Variants in CHUK observed in about 807,000 individuals in gnomAD.
The protein encoded by CHUK is inhibitor of nuclear factor kappa-B kinase subunit alpha.
A neutral mutation model predicts 104.8 loss-of-function variants in CHUK; 35 were observed. The observed-to-expected ratio is 0.33, with a 90% CI of 0.26 to 0.44. The LOEUF (loss-of-function observed/expected upper bound fraction) is 0.44. Among genes scored for constraint, CHUK ranks in the 20% least tolerant of loss-of-function variants. The probability of loss-of-function intolerance (pLI) is 1.00; values close to 1 mark genes in which losing one functional copy is unlikely to be tolerated. For synonymous variants in CHUK, 276 were observed against 291.9 expected, an observed-to-expected ratio of 0.95 and a Z score of 0.56; for missense variants, 663 against 902.7, an observed-to-expected ratio of 0.73 and a Z score of 3.40.
intron 5 of CHUK, among the ~76,000 whole-genome samples, chr10:100,219,696 A>G (rs1156442539): frequency 6.6e-6 from 1 of 152,202 alleles, no homozygotes; most frequent in Middle Eastern, 3.2e-3. Flanking sequence ...TTATTTTACT[A>G]TATTCAAAAT....
chr10:100,193,719 G>A (rs1845258341), intron 18 of CHUK: 2 of 593,802 alleles, frequency 3.4e-6, no homozygotes, highest in Non-Finnish European at 5.9e-6. Context: ...ATCTAGGCAG[G>A]TACATCTATC....
intron 9 of CHUK, among the ~76,000 whole-genome samples, chr10:100,213,699 C>T (rs12765325): frequency 6.6e-6 from 1 of 151,730 alleles, no homozygotes; most frequent in Admixed American, 6.6e-5. Context: ...TTTTTGTATT[C>T]TTAGTAGAGA....
In CHUK at chr10:100,204,672, GA is replaced by G. The variant is rs751629574; in HGVS notation, c.1356-16del. The G allele has an allele frequency of 3.9e-6, 6 of 1,556,352 alleles. No homozygotes were observed. Among genetic ancestry groups the G allele is most frequent in the African/African-American group, 1.4e-5 (1 of 72,726 alleles). ...GAAGACTTAACCTAAACCACAGCAA[GA>G]AAAAAAAGAAAAAGAAAAAAGATAT... On this transcript the variant is annotated splice_polypyrimidine_tract_variant and intron_variant, in intron 12 of 20. Coordinates refer to ENST00000370397, the MANE Select transcript of CHUK (RefSeq NM_001278.5).
chr10:100,216,964 C>T (rs558532625), intron 9 of CHUK, among the ~76,000 whole-genome samples: 9 of 152,046 alleles, frequency 5.9e-5, no homozygotes, highest in East Asian at 5.8e-4. Context: ...GAATGGAAGA[C>T]GAGAAAGAGA....
intron 19 of CHUK, chr10:100,192,875 A>G (rs919141406): frequency 1.2e-5 from 4 of 344,740 alleles, no homozygotes; most frequent in Non-Finnish European, 1.7e-5. Flanking sequence ...GTAATCAAGG[A>G]TCCCCAAAAT....
chr10:100,203,740 T>G (rs1367864454), intron 13 of CHUK, among the ~76,000 whole-genome samples: 1 of 152,154 alleles, frequency 6.6e-6, no homozygotes, highest in Non-Finnish European at 1.5e-5. Context: ...TTGGAGACTG[T>G]GTACACTAAA....
intron 9 of CHUK, among the ~76,000 whole-genome samples, chr10:100,217,297 A>G (rs1402164786): frequency 2.6e-5 from 4 of 152,086 alleles, no homozygotes; most frequent in African/African-American, 9.7e-5. Flanking sequence ...TGGGCAGAAG[A>G]ATAAAAAAGC....
At chr10:100,207,752 C>T (rs1329350249) in intron 10 of CHUK, among the ~76,000 whole-genome samples, 2 of 151,970 alleles carry the variant, frequency 1.3e-5, no homozygotes, top group Non-Finnish European at 2.9e-5. Flanking sequence ...AAATAGATTC[C>T]TGGTTTCCTG....
rs554234746 is a variant in CHUK, at chr10:100,224,251, T to C, written c.201-1271A>G. Among the ~76,000 whole-genome samples the C allele has an allele frequency of 2.0e-5, 3 of 152,244 alleles. No homozygotes were observed. The South Asian group carries it at 6.2e-4, about 32-fold the overall frequency. On this transcript the variant is annotated intron_variant, in intron 2 of 20. Coordinates refer to ENST00000370397, the MANE Select transcript of CHUK (RefSeq NM_001278.5). Reference sequence around the variant, plus strand: ...TGGCCAACATTCATATAAGTGAGCATGGAAGCAGATACTCCAGCCCCAGTC... The same window carrying C: ...TGGCCAACATTCATATAAGTGAGCACGGAAGCAGATACTCCAGCCCCAGTC...
chr10:100,187,425 T>C (rs996280009), downstream of CHUK: 13 of 152,256 alleles, frequency 8.5e-5, no homozygotes, highest in African/African-American at 2.9e-4. Flanking sequence ...TATCTAGGAA[T>C]GTCTGGGACC....
At chr10:100,197,707 A>G (rs1050997773) in intron 16 of CHUK, among the ~76,000 whole-genome samples, 1 of 152,096 alleles carries the variant, frequency 6.6e-6, no homozygotes, top group African/African-American at 2.4e-5. Context: ...TGCTATACAT[A>G]CATGTGTCTA....
intron 16 of CHUK, among the ~76,000 whole-genome samples, chr10:100,199,745 C>G (rs1845419934): frequency 6.6e-6 from 1 of 152,176 alleles, no homozygotes; most frequent in Non-Finnish European, 1.5e-5. Flanking sequence ...ACGTCCCCTT[C>G]TAAAATTTTT....
intron 2 of CHUK, 113 bp downstream of exon 2, chr10:100,225,810 A>T (rs953025877): frequency 2.9e-6 from 2 of 692,130 alleles, no homozygotes; most frequent in Non-Finnish European, 5.3e-6. Context: ...GAGAGAAAAA[A>T]ATATATGTTC....
intron 9 of CHUK, among the ~76,000 whole-genome samples, chr10:100,210,472 A>G (rs1404647627): frequency 2.0e-5 from 3 of 152,256 alleles, no homozygotes; most frequent in African/African-American, 7.2e-5. Flanking sequence ...AGACAACCAC[A>G]GGCATAAACC....
At chr10:100,218,515 T>C (rs1041046576) in intron 8 of CHUK, among the ~76,000 whole-genome samples, 5 of 152,220 alleles carry the variant, frequency 3.3e-5, no homozygotes, top group African/African-American at 1.2e-4. Context: ...ATATTTACTA[T>C]TTATTCAAAA....
chr10:100,210,277 C>T (rs4244337), intron 9 of CHUK, among the ~76,000 whole-genome samples: 8,487 of 150,784 alleles, frequency 0.056, 322 homozygotes, highest in African/African-American at 0.11. Flanking sequence ...TTAGTAGAGA[C>T]GGGGTTTCAC....
chr10:100,190,950 C>T lies in CHUK; in HGVS notation c.2127G>A (p.Met709Ile). 1 of 1,608,780 alleles carries T rather than the reference C, an allele frequency of 6.2e-7. No individual in the cohort carries two copies. Among genetic ancestry groups the T allele is most frequent in the Admixed American group, 1.7e-5 (1 of 60,024 alleles). ...TPQDGETSAQ[M>I]IEENLNCLGH... ...CAAGGCAGTTCAAATTTTCTTCTAT[C>T]ATTTGTGCTGAAGTCTCCCTGTGAG... Residue 709 changes from methionine (M) to isoleucine (I), a missense_variant, in exon 20 of 21, where the codon ATG becomes ATA. Physicochemically the swap from Met to Ile is conservative, Grantham distance 10 (BLOSUM62 1). Coordinates refer to ENST00000370397, the MANE Select transcript of CHUK (RefSeq NM_001278.5).
At chr10:100,215,213 TCA>T (rs1845826433) in intron 9 of CHUK, among the ~76,000 whole-genome samples, 1 of 47,278 alleles carries the variant, frequency 2.1e-5, no homozygotes. Context: ...AGGCTCCATA[TCA>T]AAAAAAAAAA....
At chr10:100,202,408 G>C (rs1845490858) in intron 13 of CHUK, among the ~76,000 whole-genome samples, 1 of 152,192 alleles carries the variant, frequency 6.6e-6, no homozygotes, top group Non-Finnish European at 1.5e-5. Context: ...AGTGTACTTA[G>C]AAGAGACACA....
Sources: gnomAD v4.1 joint callset for allele counts (sites outside exome capture counted in the v4.1 genomes callset) on GRCh38, gnomAD v4.1.1 for gene constraint, MANE v1.5 for transcripts, NCBI Gene and HGNC (gene_info 2026-07-23, HGNC 2026-07-21) for gene names.